The following ATP10B variants were observed in gnomAD, a reference collection of about 807,000 sequenced individuals.
The protein encoded by ATP10B is ATPase phospholipid transporting 10B (putative).
In ATP10B, 122 loss-of-function variants were observed where a neutral mutation model predicts 141.2. The ratio of observed to expected loss-of-function variants is 0.86; its 90% CI spans 0.75 to 1.00. The LOEUF (loss-of-function observed/expected upper bound fraction) is 1.00. Ranked by LOEUF, ATP10B falls within the 50% of genes least tolerant of loss-of-function variation. ATP10B has a pLI of 0.00. For synonymous variants in ATP10B, 685 were observed against 692.0 expected (o/e 0.99, Z 0.16); for missense variants, 1,876 against 1,825.3 (o/e 1.03, Z -0.51).
At chr5:160,847,638 G>A (rs1776209248) in intron 1 of ATP10B, among the ~76,000 whole-genome samples, 2 of 152,148 alleles carry the variant, frequency 1.3e-5, no homozygotes, top group African/African-American at 4.8e-5. Flanking sequence ...AAATTCCTTT[G>A]AGAAGCAACA....
the ATP10B span, among the ~76,000 whole-genome samples, chr5:160,893,824 T>A: frequency 6.6e-6 from 1 of 152,056 alleles, no homozygotes; most frequent in African/African-American, 2.4e-5. Flanking sequence ...GTGCCCCTCT[T>A]GGATGAAGTT....
chr5:160,785,848 A>C (rs1024010156), intron 1 of ATP10B, 45 bp from the exon 2 acceptor site: 61 of 312,370 alleles, frequency 2.0e-4, no homozygotes, highest in Non-Finnish European at 3.5e-4. Context: ...ATACAATCTC[A>C]TTTTAGTATC....
chr5:160,590,908 A>G, intron 23 of ATP10B, 151 bp downstream of exon 23: 1 of 606,710 alleles, frequency 1.6e-6, no homozygotes. Context: ...CTGACTTTTC[A>G]AACACCTTGG....
chr5:160,691,137 A>G (rs992740317), intron 3 of ATP10B, among the ~76,000 whole-genome samples: 1 of 152,148 alleles, frequency 6.6e-6, no homozygotes, highest in African/African-American at 2.4e-5. Context: ...GTTCTCACTC[A>G]TAATTGGGAG....
intron 24 of ATP10B, among the ~76,000 whole-genome samples, chr5:160,583,592 G>A (rs1476974138): frequency 2.0e-5 from 3 of 152,192 alleles, no homozygotes; most frequent in South Asian, 2.1e-4. Context: ...AGAGCTGGCC[G>A]TCAGGAACGT....
chr5:160,756,171 G>A (rs912752014), intron 2 of ATP10B, among the ~76,000 whole-genome samples: 1 of 151,506 alleles, frequency 6.6e-6, no homozygotes, highest in East Asian at 1.9e-4. Flanking sequence ...TTGGCATGGG[G>A]AAGGTCTACC....
intron 1 of ATP10B, among the ~76,000 whole-genome samples, chr5:160,839,253 AGTGTGAAGGACTTCAGAT>A (rs1775673107): frequency 6.6e-6 from 1 of 152,208 alleles, no homozygotes; most frequent in Admixed American, 6.6e-5. Context: ...AGAAAACTCA[AGTGTGAAGGACTTCAGAT>A]GAGAATATAT....
At chr5:160,603,502 ATTC>A (rs1302369242) in intron 20 of ATP10B, 3 of 178,034 alleles carry the variant, frequency 1.7e-5, no homozygotes, top group Admixed American at 1.6e-4. Flanking sequence ...GCCCAATACA[ATTC>A]TTCTTCCATT....
intron 1 of ATP10B, among the ~76,000 whole-genome samples, chr5:160,843,354 T>A (rs1477560534): frequency 6.6e-6 from 1 of 152,128 alleles, no homozygotes; most frequent in Admixed American, 6.6e-5. Flanking sequence ...CTTAATTGCC[T>A]TACCTACTGA....
chr5:160,847,766 G>A (rs934196232), intron 1 of ATP10B, among the ~76,000 whole-genome samples: 2 of 152,112 alleles, frequency 1.3e-5, no homozygotes, highest in East Asian at 1.9e-4. Context: ...AAGGAAAAAC[G>A]CGGGTTATTA....
chr5:160,667,999 G>C (rs1315228424), intron 7 of ATP10B, among the ~76,000 whole-genome samples: 1 of 152,160 alleles, frequency 6.6e-6, no homozygotes, highest in Admixed American at 6.5e-5. Flanking sequence ...GGAGGCCAAG[G>C]CAGGTGGATC....
the ATP10B span, among the ~76,000 whole-genome samples, chr5:160,905,690 G>A: frequency 0.017 from 2,562 of 151,528 alleles, 78 homozygotes; most frequent in African/African-American, 0.06. Context: ...CTCAATGAGT[G>A]CCTCCTAAAT....
In ATP10B at chr5:160,628,798, T is replaced by C. The variant is rs117887871; in HGVS notation, c.1620+3331A>G. 3.5e-4 allele frequency among the ~76,000 whole-genome samples: 53 copies of C among 152,198 alleles called. 1 individual carries two copies. In the East Asian group the frequency reaches 5.8e-3, roughly 17 times the overall value. On this transcript the variant is annotated intron_variant, in intron 13 of 25. Transcript: ENST00000327245. ...CAAGGAGAAAAAAAACCCATTTCAT[T>C]TTCCATCTGCCAGTACTATTAAACA...
chr5:160,908,254 G>A, the ATP10B span, among the ~76,000 whole-genome samples: 2 of 152,028 alleles, frequency 1.3e-5, no homozygotes, highest in Admixed American at 1.3e-4. Flanking sequence ...CCAAGTCCTC[G>A]CCTGGTTCTC....
intron 2 of ATP10B, among the ~76,000 whole-genome samples, chr5:160,719,673 A>G (rs1344003316): frequency 6.6e-6 from 1 of 152,242 alleles, no homozygotes; most frequent in Non-Finnish European, 1.5e-5. Flanking sequence ...AAACTCTACT[A>G]TAAATATTAT....
the ATP10B span, among the ~76,000 whole-genome samples, chr5:160,924,986 A>T: frequency 1.3e-5 from 2 of 152,204 alleles, no homozygotes; most frequent in Non-Finnish European, 2.9e-5. Context: ...AATCCTAGAG[A>T]CACAACTTAA....
chr5:160,652,675 A>G (rs1161514176), intron 7 of ATP10B, among the ~76,000 whole-genome samples: 1 of 132,366 alleles, frequency 7.6e-6, no homozygotes, highest in East Asian at 2.1e-4. Context: ...ATATATACAT[A>G]TATAAATACA....
At chr5:160,652,985 CATATTT>C (rs1364264373) in intron 7 of ATP10B, among the ~76,000 whole-genome samples, 3 of 43,106 alleles carry the variant, frequency 7.0e-5, no homozygotes, top group Non-Finnish European at 1.5e-4. Flanking sequence ...TATATACATA[CATATTT>C]ATATTTATAT....
rs148830356 is a variant in ATP10B, at chr5:160,587,400, T to G, written c.3750+2192A>C. Among the ~76,000 whole-genome samples, 1,450 of 152,220 alleles carry G rather than the reference T, an allele frequency of 9.5e-3. 34 individuals are homozygous for G. Among genetic ancestry groups the G allele is most frequent in the Admixed American group, 0.058 (879 of 15,262 alleles). On this transcript the variant is annotated intron_variant, in intron 24 of 25. Transcript: ENST00000327245. ...AGTTTTGTTCTTTTTACTTAGGATT[T>G]TCTTGGGTATATGAGCTCATTTTTG... is the stretch of plus-strand genomic sequence containing the variant.
Sources: allele counts gnomAD v4.1 joint callset (sites outside exome capture counted in the v4.1 genomes callset), GRCh38; gene constraint gnomAD v4.1.1; transcripts MANE v1.5; gene names NCBI Gene and HGNC (gene_info 2026-07-23, HGNC 2026-07-21).